The following MGAM variants were observed in gnomAD, a reference collection of about 807,000 sequenced individuals.
MGAM encodes the protein maltase-glucoamylase.
In MGAM, 253 loss-of-function variants were observed where a neutral mutation model predicts 358.8. The observed-to-expected ratio is 0.71, with a 90% CI of 0.64 to 0.78. The LOEUF (loss-of-function observed/expected upper bound fraction) is 0.78, where lower values mean the gene tolerates loss of function less well. Ranked by LOEUF, MGAM falls within the 30% of genes least tolerant of loss-of-function variation. The pLI is 0.00. For missense variants in MGAM, 3,080 were observed against 3,432.6 expected, an observed-to-expected ratio of 0.90 and a Z score of 2.57; for synonymous variants, 1,105 against 1,227.1, an observed-to-expected ratio of 0.90 and a Z score of 2.08.
At chr7:141,999,959 A>G (rs927538737) in intron 1 of MGAM, among the ~76,000 whole-genome samples, 1 of 152,128 alleles carries the variant, frequency 6.6e-6, no homozygotes, top group Admixed American at 6.6e-5. Flanking sequence ...AATAGATATT[A>G]TTGTTCCATA....
intron 21 of MGAM, among the ~76,000 whole-genome samples, chr7:142,042,101 CATATAAT>C (rs1346457955): frequency 1.1e-4 from 6 of 56,524 alleles, no homozygotes; most frequent in South Asian, 5.0e-4. Flanking sequence ...ATAATATATA[CATATAAT>C]ATATAATATA....
intron 57 of MGAM, 112 bp from the exon 58 acceptor site, chr7:142,091,801 C>A: frequency 1.7e-6 from 2 of 1,148,440 alleles, no homozygotes; most frequent in Non-Finnish European, 2.4e-6. Flanking sequence ...CCTGTTCAGG[C>A]CGTCTGTCAC....
intron 66 of MGAM, among the ~76,000 whole-genome samples, chr7:142,098,753 G>A (rs989861637): frequency 3.3e-5 from 5 of 152,162 alleles, no homozygotes; most frequent in Non-Finnish European, 5.9e-5. Flanking sequence ...TGCATGTTGA[G>A]TCTCCCATTC....
Position 142,027,752 on chromosome 7 carries a change from A to G in MGAM, c.1221+17A>G. 6 of 1,547,412 alleles carry G rather than the reference A, an allele frequency of 3.9e-6. No homozygotes were observed. Among genetic ancestry groups the G allele is most frequent in the Non-Finnish European group, 5.2e-6 (6 of 1,144,574 alleles). ...CTCCCTTATGTAAGCAAGGTTTTCA[A>G]CAGTTCTCCAAAAGTAAAGAAATTC... is the stretch of plus-strand genomic sequence containing the variant. On this transcript the variant is annotated intron_variant, in intron 10 of 70. Coordinates refer to ENST00000475668, the MANE Select transcript of MGAM (RefSeq NM_001365693.1).
At position 142,061,472 on chromosome 7, in the gene MGAM, C is replaced by T. The variant is rs549975963; in HGVS notation, c.4123-1096C>T. Among the ~76,000 whole-genome samples, 6 of 152,258 alleles carry T rather than the reference C, an allele frequency of 3.9e-5. No homozygotes were observed. In the South Asian group the frequency reaches 1.2e-3, roughly 32 times the overall value. On this transcript the variant is annotated intron_variant, in intron 34 of 70. Coordinates refer to ENST00000475668, the MANE Select transcript of MGAM (RefSeq NM_001365693.1). ...GATGTGACCCACTGTCTTCTCACAT[C>T]CTTGACTGCCAGACCCATATAGGCT...
chr7:142,050,685 A>C lies in MGAM; in HGVS notation c.2638-12A>C. The C allele has an allele frequency of 6.2e-7, 1 of 1,611,282 alleles. No individual in the cohort carries two copies. The highest frequency in any genetic ancestry group is 8.5e-7 in the Non-Finnish European group (1 of 1,177,998). On this transcript the variant is annotated splice_polypyrimidine_tract_variant and intron_variant, in intron 23 of 70. Coordinates refer to ENST00000475668, the MANE Select transcript of MGAM (RefSeq NM_001365693.1). ...ATACCTTTATGCATACTTGGACTTA[A>C]TTGTTTTGCAGAACCGCTTGGAGGT...
chr7:141,988,330 A>G (rs1351416294), intron 2 of MGAM, among the ~76,000 whole-genome samples: 3 of 151,028 alleles, frequency 2.0e-5, no homozygotes, highest in Non-Finnish European at 4.4e-5. Flanking sequence ...GGTACTCTGA[A>G]AACTGCAAAG....
At position 142,058,266 on chromosome 7, in the gene MGAM, T is replaced by A. The variant is rs1171208886; in HGVS notation, c.3757T>A (p.Tyr1253Asn). 2 of 1,613,980 alleles carry A rather than the reference T, an allele frequency of 1.2e-6. No homozygotes were observed. Among genetic ancestry groups the A allele is most frequent in the East Asian group, 4.5e-5 (2 of 44,888 alleles). The change falls in exon 31 of 71, where the codon TAC becomes AAC. Residue 1253 changes from tyrosine (Y) to asparagine (N), a missense_variant. Transcript: ENST00000475668. Reference protein sequence around the residue: ...SLGFQLCRYGYQNDSEIASLY... With the variant: ...SLGFQLCRYGNQNDSEIASLY... Reference sequence around the variant, plus strand: ...GGGGTTCCAGCTGTGTCGCTATGGCTACCAGAATGACTCTGAGATCGCCAG... The same window carrying A: ...GGGGTTCCAGCTGTGTCGCTATGGCAACCAGAATGACTCTGAGATCGCCAG...
At position 142,055,562 on chromosome 7, in the gene MGAM, G is replaced by A; in HGVS notation, c.3319G>A (p.Asp1107Asn). 2 of 1,613,860 alleles carry A rather than the reference G, an allele frequency of 1.2e-6. No individual in the cohort carries two copies. Among genetic ancestry groups the A allele is most frequent in the South Asian group, 2.2e-5 (2 of 91,064 alleles). ...ATCTGCGTTTTTGTGTTTCAGTTGG[G>A]ACTCTCAGCTCCTTGGCTTTACCTT... ...RRKSTGTIIW[D>N]SQLLGFTFSD... Residue 1107 changes from aspartate (D) to asparagine (N), a missense_variant, in exon 28 of 71, where the codon GAC (aspartate) becomes AAC (asparagine). Around this residue, in one of 5 missense-constraint regions of MGAM, gnomAD observed 1,816 missense variants for 1,840.5 expected, o/e 0.99. Transcript: ENST00000475668.
Position 142,080,802 on chromosome 7 carries a change from C to T in MGAM, c.5859C>T (p.Pro1953=), listed in dbSNP as rs1814189274. 1.3e-6 allele frequency: 2 copies of T among 1,554,520 alleles called. No homozygotes were observed. Among genetic ancestry groups the T allele is most frequent in the Non-Finnish European group, 1.8e-6 (2 of 1,131,484 alleles). The part of the protein sequence containing the change: ...NEMLQFKIYD[P]NNNRYEVPVP... ...TTCCTCTGGCCTAGATTTATGATCC[C>T]AACAACAATCGGTATGAAGTTCCAG... Residue 1953 remains proline, a synonymous_variant, in exon 50 of 71, where the codon CCC becomes CCT. Coordinates refer to ENST00000475668, the MANE Select transcript of MGAM (RefSeq NM_001365693.1).
chr7:142,013,526 G>T (rs532352753), intron 3 of MGAM, among the ~76,000 whole-genome samples: 89 of 152,184 alleles, frequency 5.8e-4, no homozygotes, highest in South Asian at 1.7e-3. Flanking sequence ...CAAGGCGCCT[G>T]TAATCTTATC....
At chr7:142,101,997 G>A (rs974681123) in intron 68 of MGAM, among the ~76,000 whole-genome samples, 1 of 152,058 alleles carries the variant, frequency 6.6e-6, no homozygotes, top group African/African-American at 2.4e-5. Flanking sequence ...AGCCACGAGG[G>A]CAGGGTGTAG....
At position 142,066,212 on chromosome 7, in the gene MGAM, A is replaced by G. The variant is rs1218176630; in HGVS notation, c.4771-361A>G. 6.2e-5 allele frequency among the ~76,000 whole-genome samples: 9 copies of G among 146,170 alleles called. 2 individuals are homozygous for G. In the South Asian group the frequency reaches 2.0e-3, roughly 32 times the overall value. On this transcript the variant is annotated intron_variant, in intron 40 of 70. Coordinates refer to ENST00000475668, the MANE Select transcript of MGAM (RefSeq NM_001365693.1). ...CCTGGGCTCAAGCGATCCACTCGAC[A>G]GCCTCCAAAAGTGCTGGGATTACAG...
intron 22 of MGAM, among the ~76,000 whole-genome samples, chr7:142,049,796 A>T (rs1301886411): frequency 6.6e-6 from 1 of 152,194 alleles, no homozygotes; most frequent in African/African-American, 2.4e-5. Flanking sequence ...AAGATAAGAG[A>T]TAAGTGCTGG....
At chr7:142,051,101 T>G (rs1203507929) in intron 24 of MGAM, among the ~76,000 whole-genome samples, 1 of 152,154 alleles carries the variant, frequency 6.6e-6, no homozygotes, top group African/African-American at 2.4e-5. Flanking sequence ...TGGTTTCACT[T>G]GCTTTTCCCA....
rs780172887 is a variant in MGAM, at chr7:142,032,738, A to T, written c.1585-87A>T. On this transcript the variant is annotated intron_variant, in intron 13 of 70. Coordinates refer to ENST00000475668, the MANE Select transcript of MGAM (RefSeq NM_001365693.1). ...CCCTTTAAAATATCTGGAATAATTT[A>T]TCTGATTAATTAAAAAAAGACACCA... The T allele has an allele frequency of 1.2e-3, 886 of 755,796 alleles. 3 individuals carry two copies. Among genetic ancestry groups the T allele is most frequent in the Non-Finnish European group, 1.3e-3 (601 of 455,150 alleles). 46.8% of individuals were successfully genotyped at this position (755,796 alleles called of 1,614,324 possible).
At position 142,084,546 on chromosome 7, in the gene MGAM, T is replaced by C. The variant is rs760967812; in HGVS notation, c.6409T>C (p.Tyr2137His). The C allele has an allele frequency of 1.3e-6, 2 of 1,555,064 alleles. No individual in the cohort carries two copies. Among genetic ancestry groups the C allele is most frequent in the South Asian group, 1.1e-5 (1 of 89,168 alleles). Residue 2137 changes from tyrosine to histidine, a missense_variant, in exon 54 of 71, where the codon TAC (tyrosine) becomes CAC (histidine). Transcript: ENST00000475668. ...GATTGGCCGGCCTGTGATGGTACCT[T>C]ACTGGTCTTTGGGGTTCCAGCTGTG... ...ELIGRPVMVPYWSLGFQLCRY... is the reference protein window; with the variant it reads ...ELIGRPVMVPHWSLGFQLCRY...
At chr7:142,008,843 C>G in intron 3 of MGAM, 138 bp downstream of exon 3, 1 of 878,334 alleles carries the variant, frequency 1.1e-6, no homozygotes, top group Non-Finnish European at 1.7e-6. Flanking sequence ...GTGGCTCAGG[C>G]AAATTAACCT....
chr7:142,006,141 T>C lies in MGAM; in HGVS notation c.127+484T>C, dbSNP rs569326931. 6.6e-5 allele frequency among the ~76,000 whole-genome samples: 10 copies of C among 152,226 alleles called. No individual in the cohort carries two copies. The South Asian group carries it at 2.1e-3, about 32-fold the overall frequency. Reference sequence around the variant, plus strand: ...AGCCATTTAGTCCATCCATAAGAACTGAGGGTCCTGGGAATTTAACCTTTG... The same window carrying C: ...AGCCATTTAGTCCATCCATAAGAACCGAGGGTCCTGGGAATTTAACCTTTG... On this transcript the variant is annotated intron_variant, in intron 2 of 70. Transcript: ENST00000475668.
Sources: gnomAD v4.1 joint callset for allele counts (sites outside exome capture counted in the v4.1 genomes callset) on GRCh38, gnomAD v4.1.1 for gene constraint, gnomAD v4.1.1 regional missense constraint, MANE v1.5 for transcripts, NCBI Gene and HGNC (gene_info 2026-07-23, HGNC 2026-07-21) for gene names.